Variants in KCNH5 observed in about 807,000 individuals in gnomAD.
The protein encoded by KCNH5 is voltage-gated delayed rectifier potassium channel KCNH5.
In KCNH5, 46 loss-of-function variants were observed where a neutral mutation model predicts 96.1. The observed-to-expected ratio is 0.48, with a 90% CI of 0.38 to 0.61. The LOEUF is 0.61. Among genes scored for constraint, KCNH5 ranks in the 20% least tolerant of loss-of-function variants. KCNH5 has a pLI of 0.00. For synonymous variants in KCNH5, 439 were observed against 449.8 expected (o/e 0.98, Z 0.30); for missense variants, 907 against 1,225.8 (o/e 0.74, Z 3.88).
intron 7 of KCNH5, among the ~76,000 whole-genome samples, chr14:62,920,410 G>C (rs1484437152): frequency 6.6e-6 from 1 of 152,108 alleles, no homozygotes; most frequent in Non-Finnish European, 1.5e-5. Flanking sequence ...CAGGGATGCA[G>C]GGTGGGGTAA....
chr14:62,832,545 C>T (rs76187276), intron 8 of KCNH5, among the ~76,000 whole-genome samples: 16,395 of 151,982 alleles, frequency 0.11, 1,112 homozygotes, highest in East Asian at 0.29. Flanking sequence ...ATCTTGGCTA[C>T]GGTGAATAAT....
chr14:62,797,724 T>A (rs2139995052), intron 9 of KCNH5, among the ~76,000 whole-genome samples: 1 of 152,174 alleles, frequency 6.6e-6, no homozygotes, highest in East Asian at 1.9e-4. Context: ...TTATAATTTT[T>A]TTTTTTTTTG....
At chr14:62,792,066 C>T (rs1037534005) in intron 9 of KCNH5, among the ~76,000 whole-genome samples, 6 of 151,258 alleles carry the variant, frequency 4.0e-5, no homozygotes, top group Admixed American at 6.6e-5. Flanking sequence ...CAACTATGTA[C>T]AAACTGCAAG....
chr14:63,031,558 T>C (rs868493474), intron 1 of KCNH5, among the ~76,000 whole-genome samples: 9 of 151,814 alleles, frequency 5.9e-5, no homozygotes, highest in Non-Finnish European at 1.2e-4. Context: ...CCTTCTCGGA[T>C]CCAGAAATCT....
rs983269213 is a variant in KCNH5 at position 62,706,416 on chromosome 14, C to G, written c.*1092G>C. ...TGTTTTACCACATTTCATGTGTTAT[C>G]ACTACAAACACTAGGATTCATGTGT... is the stretch of plus-strand genomic sequence containing the variant. On this transcript the variant is annotated 3_prime_UTR_variant, in exon 11 of 11. Transcript: ENST00000322893. The G allele has an allele frequency of 2.0e-5, 3 of 152,166 alleles. No homozygotes were observed. The highest frequency in any genetic ancestry group is 7.2e-5 in the African/African-American group (3 of 41,456). The allele number at this position is 152,166 out of a possible 1,614,324, so 9.4% of individuals were successfully genotyped here.
At chr14:63,041,523 C>T (rs1464458704) in intron 1 of KCNH5, among the ~76,000 whole-genome samples, 1 of 152,026 alleles carries the variant, frequency 6.6e-6, no homozygotes, top group East Asian at 1.9e-4. Context: ...TTGTCTAAGC[C>T]GTCCTATAGC....
At chr14:63,017,232 T>C (rs1186088099) in intron 1 of KCNH5, among the ~76,000 whole-genome samples, 1 of 152,142 alleles carries the variant, frequency 6.6e-6, no homozygotes, top group East Asian at 1.9e-4. Context: ...AGCTATGAAA[T>C]CAAAGTGTAG....
In KCNH5 at chr14:62,702,219, T is replaced by A. The variant is rs542706104; in HGVS notation, c.*5289A>T. On this transcript the variant is annotated 3_prime_UTR_variant, in exon 11 of 11. Transcript: ENST00000322893. ...GATGTCTTTCAACTGTTAGGAGAAG[T>A]AAAGGAAAATTCCACTGTTGGGACA... 1 of 152,176 alleles carries A rather than the reference T, an allele frequency of 6.6e-6. No individual in the cohort carries two copies. The highest frequency in any genetic ancestry group is 2.4e-5 in the African/African-American group (1 of 41,564). 9.4% of individuals were successfully genotyped at this position (152,176 alleles called of 1,614,324 possible).
At position 62,709,600 on chromosome 14, in the gene KCNH5, T is replaced by G. The variant is rs578189972; in HGVS notation, c.2020-1145A>C. 4.6e-5 allele frequency among the ~76,000 whole-genome samples: 7 copies of G among 152,338 alleles called. No individual in the cohort carries two copies. In the East Asian group the frequency reaches 1.2e-3, roughly 25 times the overall value. On this transcript the variant is annotated intron_variant, in intron 10 of 10. Transcript: ENST00000322893. ...TCAATTTCCCAGATTCTTTACATTT[T>G]AAACATAAAATTAAATACATAGTAC...
At chr14:63,045,079 G>A in intron 1 of KCNH5, 35 bp downstream of exon 1, 1 of 1,527,126 alleles carries the variant, frequency 6.5e-7, no homozygotes, top group African/African-American at 1.4e-5. Context: ...GGGCGGGATG[G>A]AGGTGGGGGT....
chr14:62,969,237 T>C (rs1180833177), intron 6 of KCNH5, among the ~76,000 whole-genome samples: 3 of 152,196 alleles, frequency 2.0e-5, no homozygotes, highest in Non-Finnish European at 4.4e-5. Flanking sequence ...AATTTAACAA[T>C]GCGTAGGATA....
At chr14:62,735,339 C>T (rs2139928954) in intron 10 of KCNH5, among the ~76,000 whole-genome samples, 1 of 152,234 alleles carries the variant, frequency 6.6e-6, no homozygotes, top group Non-Finnish European at 1.5e-5. Flanking sequence ...TAGGGCAAAG[C>T]AGGCAGTGGG....
At chr14:62,930,873 C>T (rs1889568111) in intron 7 of KCNH5, among the ~76,000 whole-genome samples, 1 of 152,116 alleles carries the variant, frequency 6.6e-6, no homozygotes, top group Non-Finnish European at 1.5e-5. Flanking sequence ...CCAACTTTAT[C>T]CATGATGCTG....
intron 10 of KCNH5, among the ~76,000 whole-genome samples, chr14:62,728,901 C>T (rs998569137): frequency 6.6e-6 from 1 of 152,138 alleles, no homozygotes; most frequent in African/African-American, 2.4e-5. Flanking sequence ...GTGTAGAAGA[C>T]TAAGAGCATG....
rs562869735 is a variant in KCNH5 at position 62,747,312 on chromosome 14, G to A, written c.2019+32416C>T. On this transcript the variant is annotated intron_variant, in intron 10 of 10. Coordinates refer to ENST00000322893, the MANE Select transcript of KCNH5 (RefSeq NM_139318.5). ...ATTGTGCCATTGCACTCCAGCCTGG[G>A]CAACAAGAGTGAAACTTTGTCTCAA... Among the ~76,000 whole-genome samples the A allele has an allele frequency of 2.1e-4, 32 of 151,824 alleles. 2 individuals carry two copies. In the South Asian group the frequency reaches 6.5e-3, roughly 31 times the overall value.
At chr14:63,003,596 ATATATT>A (rs1219440052) in intron 3 of KCNH5, among the ~76,000 whole-genome samples, 1 of 122,526 alleles carries the variant, frequency 8.2e-6, no homozygotes, top group Non-Finnish European at 1.6e-5. Context: ...ATATATATTT[ATATATT>A]TATATTTATA....
intron 8 of KCNH5, among the ~76,000 whole-genome samples, chr14:62,827,975 A>T (rs1042967579): frequency 6.6e-6 from 1 of 151,952 alleles, no homozygotes; most frequent in African/African-American, 2.4e-5. Flanking sequence ...ATTTTTTTGA[A>T]TTGCTTCATT....
Position 62,854,932 on chromosome 14 carries a change from G to A in KCNH5, c.1370-5080C>T, listed in dbSNP as rs536110974. Reference sequence around the variant, plus strand: ...TGAGAACTCTTCCATTGAGAGGCAAGGTCTATATTCTGATCCCTTGAATGT... The same window carrying A: ...TGAGAACTCTTCCATTGAGAGGCAAAGTCTATATTCTGATCCCTTGAATGT... On this transcript the variant is annotated intron_variant, in intron 7 of 10. Transcript: ENST00000322893. 2.7e-4 allele frequency among the ~76,000 whole-genome samples: 40 copies of A among 149,902 alleles called. No homozygotes were observed. The South Asian group carries it at 4.8e-3, about 18-fold the overall frequency.
chr14:62,757,879 C>T lies in KCNH5; in HGVS notation c.2019+21849G>A, dbSNP rs142008787. ...AAATAGTTACAGCCGAGGGTGGTGGCTCACATCTGTAATCCCAGCACTTCG... is the reference window on the plus strand; with the variant it reads ...AAATAGTTACAGCCGAGGGTGGTGGTTCACATCTGTAATCCCAGCACTTCG... On this transcript the variant is annotated intron_variant, in intron 10 of 10. Coordinates refer to ENST00000322893, the MANE Select transcript of KCNH5 (RefSeq NM_139318.5). 7.5e-3 allele frequency among the ~76,000 whole-genome samples: 1,135 copies of T among 152,222 alleles called. 13 individuals carry two copies. Among genetic ancestry groups the T allele is most frequent in the African/African-American group, 0.025 (1,054 of 41,530 alleles).
Sources: allele counts gnomAD v4.1 joint callset (sites outside exome capture counted in the v4.1 genomes callset), GRCh38; gene constraint gnomAD v4.1.1; transcripts MANE v1.5; gene names NCBI Gene and HGNC (gene_info 2026-07-23, HGNC 2026-07-21).